CEP85L: variants seen among roughly 807,000 people sequenced by gnomAD.
The protein encoded by CEP85L is centrosomal protein 85L.
CEP85L carries 60 observed loss-of-function variants against 100.3 expected under a neutral mutation model. The observed-to-expected ratio is 0.60, with a 90% confidence interval of 0.49 to 0.74. The LOEUF is 0.74. Among genes scored for constraint, CEP85L ranks in the 30% least tolerant of loss-of-function variants. The pLI, the probability that CEP85L is intolerant of heterozygous loss-of-function variation, is 0.00. For missense variants in CEP85L, 973 were observed against 936.2 expected (o/e 1.04, Z -0.51); for synonymous variants, 319 against 322.7 (o/e 0.99, Z 0.12).
chr6:118,524,021 T>C, intron 3 of CEP85L, 101 bp from the exon 4 acceptor site: 1 of 479,704 alleles, frequency 2.1e-6, no homozygotes, highest in African/African-American at 2.0e-5. Context: ...AAAAAAGAAC[T>C]CCCTCTTTGA....
intron 2 of CEP85L, among the ~76,000 whole-genome samples, chr6:118,575,500 C>T (rs1476954389): frequency 6.6e-6 from 1 of 152,182 alleles, no homozygotes; most frequent in East Asian, 1.9e-4. Flanking sequence ...CCCCTAAAAA[C>T]TACAGGAGAC....
At chr6:118,615,762 A>T (rs1213594871) in intron 2 of CEP85L, among the ~76,000 whole-genome samples, 1 of 152,148 alleles carries the variant, frequency 6.6e-6, no homozygotes, top group East Asian at 1.9e-4. Flanking sequence ...ACCTACCAAA[A>T]AACCCTGGAC....
At chr6:118,552,243 CAT>C (rs1223983090) in intron 3 of CEP85L, among the ~76,000 whole-genome samples, 2 of 151,928 alleles carry the variant, frequency 1.3e-5, no homozygotes, top group African/African-American at 4.8e-5. Context: ...ATTCTACAAA[CAT>C]AAAGAATCCC....
At chr6:118,579,264 A>G (rs1780424878) in intron 2 of CEP85L, among the ~76,000 whole-genome samples, 1 of 147,580 alleles carries the variant, frequency 6.8e-6, no homozygotes, top group Non-Finnish European at 1.5e-5. Context: ...ATTACTGCCA[A>G]TTTAAAGGAC....
intron 2 of CEP85L, among the ~76,000 whole-genome samples, chr6:118,595,253 A>T (rs1321104054): frequency 7.0e-6 from 1 of 143,444 alleles, no homozygotes; most frequent in African/African-American, 2.6e-5. Context: ...ACAATTTGGT[A>T]GCCTGGTAGA....
At chr6:118,674,477 T>A (rs1378488370) in intron 1 of CEP85L, among the ~76,000 whole-genome samples, 1 of 151,706 alleles carries the variant, frequency 6.6e-6, no homozygotes, top group Non-Finnish European at 1.5e-5. Context: ...TGAGCCGAGA[T>A]TGCGCCACTG....
chr6:118,648,985 A>G (rs1775378160), intron 1 of CEP85L, among the ~76,000 whole-genome samples: 1 of 151,882 alleles, frequency 6.6e-6, no homozygotes, highest in South Asian at 2.1e-4. Context: ...ATACTGAACA[A>G]TATTTCAAAA....
intron 1 of CEP85L, 135 bp downstream of exon 1, chr6:118,651,062 C>G (rs1223423255): frequency 2.3e-6 from 3 of 1,315,196 alleles, no homozygotes; most frequent in African/African-American, 3.1e-5. Flanking sequence ...GGGGAGGACA[C>G]TGGGCACGCG....
intron 1 of CEP85L, among the ~76,000 whole-genome samples, chr6:118,695,740 A>G (rs1222941745): frequency 1.3e-5 from 2 of 152,250 alleles, no homozygotes; most frequent in East Asian, 3.8e-4. Flanking sequence ...TGCTTATTTA[A>G]TTAAAAATGG....
At chr6:118,642,593 A>T (rs1202275392) in intron 1 of CEP85L, among the ~76,000 whole-genome samples, 1 of 152,208 alleles carries the variant, frequency 6.6e-6, no homozygotes, top group Non-Finnish European at 1.5e-5. Flanking sequence ...AAATACCTAC[A>T]TTAAAATCTA....
intron 1 of CEP85L, among the ~76,000 whole-genome samples, chr6:118,688,450 T>TA (rs1393648073): frequency 1.3e-5 from 2 of 152,254 alleles, no homozygotes; most frequent in African/African-American, 4.8e-5. Flanking sequence ...TTAAATTTGT[T>TA]AAATTAATGC....
intron 1 of CEP85L, among the ~76,000 whole-genome samples, chr6:118,644,944 A>G (rs148681463): frequency 3.3e-5 from 5 of 152,316 alleles, no homozygotes; most frequent in East Asian, 1.9e-4. Context: ...CATGTCCCCA[A>G]TACATGGGAA....
intron 1 of CEP85L, among the ~76,000 whole-genome samples, chr6:118,643,854 C>A (rs1775026588): frequency 6.6e-6 from 1 of 152,168 alleles, no homozygotes; most frequent in Admixed American, 6.5e-5. Flanking sequence ...AGTTCAGACG[C>A]CCTGAGCAGA....
chr6:118,685,545 C>A (rs982806722), intron 1 of CEP85L, among the ~76,000 whole-genome samples: 4 of 143,976 alleles, frequency 2.8e-5, no homozygotes, highest in African/African-American at 5.4e-5. Context: ...TTTAAAAATA[C>A]AACAACAAGA....
At chr6:118,588,559 A>G (rs1414353267) in intron 2 of CEP85L, among the ~76,000 whole-genome samples, 2 of 152,178 alleles carry the variant, frequency 1.3e-5, no homozygotes, top group Non-Finnish European at 2.9e-5. Context: ...AAAATTATTG[A>G]CAGGCTAAGA....
rs1256551783 is a variant in CEP85L, at chr6:118,476,283, GT to G, written c.1914+3587del. 8.7e-4 allele frequency among the ~76,000 whole-genome samples: 122 copies of G among 140,514 alleles called. 1 individual carries two copies. The highest frequency in any genetic ancestry group is 5.8e-3 in the South Asian group (26 of 4,482). 92.2% of individuals were successfully genotyped at this position (140,514 alleles called of 152,430 possible). On this transcript the variant is annotated intron_variant, in intron 10 of 12. Coordinates refer to ENST00000368491, the MANE Select transcript of CEP85L (RefSeq NM_001042475.3). ...CAAGTACCAAGACTACAGTGTGTGC[GT>G]TTTTTTTTTTTTAAAGCTACTTTTC...
intron 7 of CEP85L, 36 bp downstream of exon 7, chr6:118,483,670 A>G: frequency 6.3e-7 from 1 of 1,576,962 alleles, no homozygotes; most frequent in Non-Finnish European, 8.6e-7. Flanking sequence ...ACATGTTTTC[A>G]TGTCATTTAA....
chr6:118,643,691 AC>A (rs1392749128), intron 1 of CEP85L, among the ~76,000 whole-genome samples: 1 of 152,210 alleles, frequency 6.6e-6, no homozygotes, highest in Non-Finnish European at 1.5e-5. Context: ...GAGAAAAAAA[AC>A]AAAAGTAGGG....
intron 1 of CEP85L, among the ~76,000 whole-genome samples, chr6:118,689,210 T>G (rs986391269): frequency 9.9e-5 from 15 of 152,258 alleles, no homozygotes; most frequent in Admixed American, 5.9e-4. Flanking sequence ...GGCCTATGAG[T>G]TACATCATTA....
Sources: gnomAD v4.1 joint callset for allele counts (sites outside exome capture counted in the v4.1 genomes callset) on GRCh38, gnomAD v4.1.1 for gene constraint, MANE v1.5 for transcripts, NCBI Gene and HGNC (gene_info 2026-07-23, HGNC 2026-07-21) for gene names.